RPH3A: variants seen among roughly 807,000 people sequenced by gnomAD.
RPH3A encodes rabphilin 3A, also known as rabphilin-3A.
A neutral mutation model predicts 102.2 loss-of-function variants in RPH3A; 48 were observed. The ratio of observed to expected loss-of-function variants is 0.47; its 90% confidence interval spans 0.37 to 0.60. The LOEUF (loss-of-function observed/expected upper bound fraction) is 0.60, where lower values mean the gene tolerates loss of function less well. Ranked by LOEUF, RPH3A falls within the 20% of genes least tolerant of loss-of-function variation. The probability of loss-of-function intolerance (pLI) is 0.00; values close to 1 mark genes in which losing one functional copy is unlikely to be tolerated. For missense variants in RPH3A, 781 were observed against 910.1 expected, an observed-to-expected ratio of 0.86 and a Z score of 1.83; for synonymous variants, 310 against 324.3, an observed-to-expected ratio of 0.96 and a Z score of 0.47.
intron 1 of RPH3A, among the ~76,000 whole-genome samples, chr12:112,576,362 C>A (rs566641637): frequency 6.6e-6 from 1 of 152,296 alleles, no homozygotes; most frequent in African/African-American, 2.4e-5. Flanking sequence ...GGACTACAGG[C>A]ATGCACCACC....
intron 1 of RPH3A, among the ~76,000 whole-genome samples, chr12:112,785,777 G>GC (rs1282830659): frequency 6.6e-6 from 1 of 152,164 alleles, no homozygotes; most frequent in Non-Finnish European, 1.5e-5. Flanking sequence ...AACACTGGCA[G>GC]CCTAGCTCTA....
At chr12:112,828,181 A>C (rs561333284) in intron 2 of RPH3A, 120 bp from the exon 3 acceptor site, 128 of 706,670 alleles carry the variant, frequency 1.8e-4, no homozygotes, top group Non-Finnish European at 2.7e-4. Flanking sequence ...AAAATGAAGA[A>C]ACTGGATTTA....
At chr12:112,598,301 C>T (rs531549823) in intron 1 of RPH3A, among the ~76,000 whole-genome samples, 1 of 152,294 alleles carries the variant, frequency 6.6e-6, no homozygotes, top group African/African-American at 2.4e-5. Context: ...ACTTAGCATG[C>T]TTGGGAAGCC....
chr12:112,725,275 A>C (rs112033800), intron 1 of RPH3A, among the ~76,000 whole-genome samples: 27 of 151,312 alleles, frequency 1.8e-4, no homozygotes, highest in East Asian at 5.8e-4. Flanking sequence ...AAAAAAAAAA[A>C]AAAACACGTT....
At chr12:112,713,259 A>G (rs549279893) in intron 1 of RPH3A, among the ~76,000 whole-genome samples, 4 of 151,876 alleles carry the variant, frequency 2.6e-5, no homozygotes, top group Non-Finnish European at 5.9e-5. Context: ...AACCTACTGC[A>G]TATAGCCTAT....
At chr12:112,645,428 T>G (rs2039921786) in intron 1 of RPH3A, among the ~76,000 whole-genome samples, 1 of 152,212 alleles carries the variant, frequency 6.6e-6, no homozygotes. Flanking sequence ...ATGGATCTTC[T>G]CAGTTTATTG....
intron 1 of RPH3A, among the ~76,000 whole-genome samples, chr12:112,713,582 T>G (rs1046216912): frequency 1.3e-5 from 2 of 151,258 alleles, no homozygotes; most frequent in African/African-American, 4.9e-5. Flanking sequence ...AAAAGCAGCC[T>G]AACAATAAAC....
chr12:112,687,298 T>C (rs1592943720), intron 1 of RPH3A, among the ~76,000 whole-genome samples: 2 of 152,348 alleles, frequency 1.3e-5, no homozygotes, highest in Non-Finnish European at 2.9e-5. Context: ...TTCTCTAGCC[T>C]CTTCAGCATG....
At chr12:112,608,265 G>A (rs1163419026) in intron 1 of RPH3A, among the ~76,000 whole-genome samples, 67 of 151,772 alleles carry the variant, frequency 4.4e-4, no homozygotes, top group Non-Finnish European at 1.8e-4. Context: ...ACAGGCACCC[G>A]TCACCACATC....
intron 3 of RPH3A, among the ~76,000 whole-genome samples, 198 bp from the exon 4 acceptor site, chr12:112,836,293 T>C (rs2042049496): frequency 6.6e-6 from 1 of 152,226 alleles, no homozygotes; most frequent in South Asian, 2.1e-4. Flanking sequence ...ATCAAAGATG[T>C]GAATTTCATA....
At chr12:112,668,986 G>A (rs2040106665) in intron 1 of RPH3A, among the ~76,000 whole-genome samples, 1 of 152,120 alleles carries the variant, frequency 6.6e-6, no homozygotes, top group Non-Finnish European at 1.5e-5. Context: ...AGCTTCATGA[G>A]CAATGAAAAT....
chr12:112,894,898 A>G (rs1206417048), intron 20 of RPH3A, among the ~76,000 whole-genome samples: 1 of 152,234 alleles, frequency 6.6e-6, no homozygotes, highest in Non-Finnish European at 1.5e-5. Context: ...TAGTTAACAA[A>G]AAATTTATAC....
At chr12:112,613,551 G>A (rs575452416) in intron 1 of RPH3A, among the ~76,000 whole-genome samples, 1 of 152,278 alleles carries the variant, frequency 6.6e-6, no homozygotes, top group African/African-American at 2.4e-5. Flanking sequence ...GATGATCCTG[G>A]ATTATCCAGG....
At chr12:112,775,389 G>C (rs2040959369) in intron 1 of RPH3A, among the ~76,000 whole-genome samples, 1 of 152,168 alleles carries the variant, frequency 6.6e-6, no homozygotes, top group Admixed American at 6.5e-5. Context: ...GCCAGGCACT[G>C]TGTTAGGTCC....
intron 2 of RPH3A, among the ~76,000 whole-genome samples, chr12:112,814,975 T>C (rs889590427): frequency 2.6e-5 from 4 of 152,184 alleles, no homozygotes; most frequent in African/African-American, 7.2e-5. Context: ...CCTTAACGTC[T>C]CTAGGCTTGG....
intron 1 of RPH3A, among the ~76,000 whole-genome samples, chr12:112,643,833 A>G (rs2039907703): frequency 6.6e-6 from 1 of 152,264 alleles, no homozygotes; most frequent in Non-Finnish European, 1.5e-5. Context: ...CCAAAGGAAA[A>G]GAAATCATTA....
At chr12:112,879,277 A>G (rs1303174140) in intron 14 of RPH3A, 79 bp downstream of exon 14, 1 of 1,198,786 alleles carries the variant, frequency 8.3e-7, no homozygotes, top group African/African-American at 1.5e-5. Context: ...ATGGATGACC[A>G]GGCCTGTCTC....
chr12:112,827,772 G>C (rs904405949), intron 2 of RPH3A, among the ~76,000 whole-genome samples: 1 of 152,058 alleles, frequency 6.6e-6, no homozygotes, highest in African/African-American at 2.4e-5. Flanking sequence ...AGGGGAGGGA[G>C]AGCATTAGAA....
chr12:112,893,032 C>A (rs1447405465), intron 19 of RPH3A: 2 of 152,174 alleles, frequency 1.3e-5, no homozygotes, highest in African/African-American at 4.8e-5. Context: ...TCAAGGGGTG[C>A]TGTCCAGCAC....
Sources: allele counts gnomAD v4.1 joint callset (sites outside exome capture counted in the v4.1 genomes callset), GRCh38; gene constraint gnomAD v4.1.1; transcripts MANE v1.5; gene names NCBI Gene and HGNC (gene_info 2026-07-23, HGNC 2026-07-21).